Variants in FSHR observed in about 807,000 individuals in gnomAD.
The protein encoded by FSHR is follicle-stimulating hormone receptor.
Under a neutral mutation model 52.1 loss-of-function variants are expected in FSHR, and 46 were observed. That is an observed-to-expected ratio of 0.88 (90% CI 0.70 to 1.13). The LOEUF (loss-of-function observed/expected upper bound fraction) is 1.13, where lower values mean the gene tolerates loss of function less well. FSHR is among the 50% of genes most tolerant of loss of function. FSHR has a pLI of 0.00. For synonymous variants in FSHR, 399 were observed against 309.6 expected (o/e 1.29, Z -3.03); for missense variants, 964 against 834.6 (o/e 1.16, Z -1.91).
chr2:48,975,785 G>A (rs1461154743), intron 8 of FSHR, among the ~76,000 whole-genome samples: 1 of 152,120 alleles, frequency 6.6e-6, no homozygotes, highest in Non-Finnish European at 1.5e-5. Flanking sequence ...TTGGCCCTCT[G>A]TTTGTCTATT....
intron 4 of FSHR, among the ~76,000 whole-genome samples, chr2:48,991,253 G>C (rs1192044995): frequency 2.0e-5 from 3 of 152,184 alleles, no homozygotes; most frequent in East Asian, 3.8e-4. Context: ...CCGGGAAGCA[G>C]AGCCTGAGAA....
intron 8 of FSHR, among the ~76,000 whole-genome samples, chr2:48,981,237 T>C (rs1331610484): frequency 1.3e-5 from 2 of 152,226 alleles, no homozygotes; most frequent in African/African-American, 4.8e-5. Flanking sequence ...TGACTTGATA[T>C]ATTAAGTTGT....
intron 1 of FSHR, among the ~76,000 whole-genome samples, chr2:49,151,499 T>G (rs748133155): frequency 6.6e-6 from 1 of 152,126 alleles, no homozygotes; most frequent in Non-Finnish European, 1.5e-5. Context: ...CATAGGAAAT[T>G]AGCAATCTTT....
At chr2:49,086,446 C>G (rs1308402640) in intron 1 of FSHR, among the ~76,000 whole-genome samples, 1 of 152,124 alleles carries the variant, frequency 6.6e-6, no homozygotes, top group Non-Finnish European at 1.5e-5. Flanking sequence ...CTGATTTGTT[C>G]TTCTGTCTTG....
rs546616115 is a variant in FSHR, at chr2:49,008,280, G to C, written c.374+9209C>G. ...CTATGAGTGAGAATATGCGGTGTTT[G>C]GTTTTTTGTTCTTGCGATAGTTTAC... On this transcript the variant is annotated intron_variant, in intron 4 of 9. Transcript: ENST00000406846. 3.8e-3 allele frequency among the ~76,000 whole-genome samples: 500 copies of C among 131,998 alleles called. 3 individuals are homozygous for C. Among genetic ancestry groups the C allele is most frequent in the African/African-American group, 0.014 (484 of 35,784 alleles). 86.6% of individuals were successfully genotyped at this position (131,998 alleles called of 152,430 possible).
chr2:49,102,501 T>C (rs17823341), intron 1 of FSHR, among the ~76,000 whole-genome samples: 1 of 151,990 alleles, frequency 6.6e-6, no homozygotes, highest in Non-Finnish European at 1.5e-5. Context: ...ATGTGAGACT[T>C]GGTAAGTTAG....
chr2:49,120,685 C>T (rs1671784473), intron 1 of FSHR, among the ~76,000 whole-genome samples: 1 of 146,958 alleles, frequency 6.8e-6, no homozygotes, highest in Admixed American at 7.0e-5. Context: ...CATTATCATA[C>T]CAATTATACT....
intron 2 of FSHR, among the ~76,000 whole-genome samples, chr2:49,054,759 C>T (rs1039517400): frequency 7.2e-5 from 11 of 152,288 alleles, no homozygotes; most frequent in Admixed American, 7.2e-4. Context: ...TGCTGAGACA[C>T]TCGCAAACAT....
chr2:49,100,848 A>C (rs916262164), intron 1 of FSHR, among the ~76,000 whole-genome samples: 3 of 152,200 alleles, frequency 2.0e-5, no homozygotes, highest in Non-Finnish European at 4.4e-5. Flanking sequence ...GCACTGAGGA[A>C]AGCTGACCCA....
intron 8 of FSHR, among the ~76,000 whole-genome samples, chr2:48,970,933 C>G (rs1385926089): frequency 6.6e-6 from 1 of 152,148 alleles, no homozygotes; most frequent in East Asian, 1.9e-4. Flanking sequence ...GCCTACTTCC[C>G]TCCTCTCCTG....
intron 4 of FSHR, among the ~76,000 whole-genome samples, chr2:48,996,596 C>A (rs1484777855): frequency 6.6e-6 from 1 of 152,028 alleles, no homozygotes; most frequent in Non-Finnish European, 1.5e-5. Context: ...CCATTTTAAA[C>A]CATGACATCA....
intron 9 of FSHR, among the ~76,000 whole-genome samples, chr2:48,966,545 C>A (rs1346887295): frequency 6.6e-6 from 1 of 152,134 alleles, no homozygotes; most frequent in Non-Finnish European, 1.5e-5. Context: ...ACAGGGGCCT[C>A]ATGTTTACAC....
chr2:49,128,239 G>A (rs926402928), intron 1 of FSHR, among the ~76,000 whole-genome samples: 1 of 151,974 alleles, frequency 6.6e-6, no homozygotes, highest in Non-Finnish European at 1.5e-5. Flanking sequence ...CACAGTGACT[G>A]CCTCAGTGCA....
chr2:48,963,286 A>G lies in FSHR; in HGVS notation c.1535T>C (p.Met512Thr). 2 of 1,614,154 alleles carry G rather than the reference A, an allele frequency of 1.2e-6. No homozygotes were observed. Among genetic ancestry groups the G allele is most frequent in the Non-Finnish European group, 1.7e-6 (2 of 1,180,016 alleles). The change falls in exon 10 of 10, where the codon ATG (methionine) becomes ACG (threonine). Residue 512 changes from methionine to threonine, a missense_variant. By Grantham distance (81) the Met-to-Thr change is moderately conservative. Coordinates refer to ENST00000406846, the MANE Select transcript of FSHR (RefSeq NM_000145.4). The stretch of plus-strand genomic sequence containing the variant: ...CATGGGCAGGCAGATGCTCACCTTC[A>G]TGTAGCTGCTGATGCCAAAGATGGG... ...LFPIFGISSY[M>T]KVSICLPMDI...
chr2:49,069,062 A>G (rs114976789), intron 1 of FSHR, among the ~76,000 whole-genome samples: 1,790 of 152,178 alleles, frequency 0.012, 30 homozygotes, highest in African/African-American at 0.041. Flanking sequence ...GCTCGAAATA[A>G]TTGTCTCACG....
chr2:49,121,086 G>A (rs1156249453), intron 1 of FSHR, among the ~76,000 whole-genome samples: 1 of 152,192 alleles, frequency 6.6e-6, no homozygotes. Flanking sequence ...GCTAAACCAC[G>A]TGACAAGCTG....
chr2:49,066,023 ATC>A (rs1669490825), intron 2 of FSHR, among the ~76,000 whole-genome samples: 1 of 152,106 alleles, frequency 6.6e-6, no homozygotes, highest in Admixed American at 6.6e-5. Flanking sequence ...TATTTTTGAG[ATC>A]TTTGATAGAA....
chr2:49,018,235 G>C, intron 3 of FSHR, among the ~76,000 whole-genome samples: 1 of 152,144 alleles, frequency 6.6e-6, no homozygotes, highest in East Asian at 1.9e-4. Context: ...CATGGAAAGG[G>C]GTGACTTCTG....
chr2:49,065,485 A>C (rs1052517473), intron 2 of FSHR, among the ~76,000 whole-genome samples: 2 of 152,076 alleles, frequency 1.3e-5, no homozygotes, highest in Non-Finnish European at 2.9e-5. Context: ...GGGAGACTGG[A>C]TTTTCCTTGT....
Sources: gnomAD v4.1 joint callset for allele counts (sites outside exome capture counted in the v4.1 genomes callset) on GRCh38, gnomAD v4.1.1 for gene constraint, MANE v1.5 for transcripts, NCBI Gene and HGNC (gene_info 2026-07-23, HGNC 2026-07-21) for gene names.